The following DTL variants were observed in gnomAD, a reference collection of about 807,000 sequenced individuals.
The protein encoded by DTL is denticleless E3 ubiquitin protein ligase adapter.
A neutral mutation model predicts 87.0 loss-of-function variants in DTL; 46 were observed. The ratio of observed to expected loss-of-function variants is 0.53; its 90% confidence interval spans 0.42 to 0.68. DTL has a LOEUF of 0.68. Ranked by LOEUF, DTL falls within the 30% of genes least tolerant of loss-of-function variation. The pLI is 0.00. For synonymous variants in DTL, 308 were observed against 311.2 expected, an observed-to-expected ratio of 0.99 and a Z score of 0.11; for missense variants, 737 against 869.4, an observed-to-expected ratio of 0.85 and a Z score of 1.91.
intron 13 of DTL, among the ~76,000 whole-genome samples, chr1:212,093,620 G>A (rs1223361767): frequency 3.3e-5 from 5 of 152,288 alleles, no homozygotes; most frequent in Admixed American, 2.0e-4. Flanking sequence ...CTGGCCTGCC[G>A]GCCTGCCTAT....
intron 6 of DTL, among the ~76,000 whole-genome samples, chr1:212,063,767 T>TA (rs1314611527): frequency 1.3e-5 from 2 of 152,242 alleles, no homozygotes; most frequent in South Asian, 2.1e-4. Flanking sequence ...GTATATGTGA[T>TA]ATCTTGATAC....
intron 13 of DTL, among the ~76,000 whole-genome samples, chr1:212,083,434 A>T (rs1655041825): frequency 6.6e-6 from 1 of 152,170 alleles, no homozygotes; most frequent in African/African-American, 2.4e-5. Context: ...GGGCCAAGGG[A>T]TAGTGTAAAT....
chr1:212,047,386 C>G lies in DTL; in HGVS notation c.429C>G (p.Leu143=). The G allele has an allele frequency of 6.2e-7, 1 of 1,614,188 alleles. No individual in the cohort carries two copies. Among genetic ancestry groups the G allele is most frequent in the South Asian group, 1.1e-5 (1 of 91,078 alleles). ...IGTCKGHQCS[L]KSVAFSKFEK... ...CATGCAAAGGTCATCAATGCAGCCT[C>G]AAGTCAGTTGCCTTTTCTAAGTTTG... Residue 143 remains leucine (L), a synonymous_variant, in exon 5 of 15, where the codon CTC becomes CTG. Coordinates refer to ENST00000366991, the MANE Select transcript of DTL (RefSeq NM_016448.4).
intron 10 of DTL, among the ~76,000 whole-genome samples, chr1:212,069,548 A>ATT (rs397863295): frequency 8.7e-4 from 126 of 144,592 alleles, no homozygotes; most frequent in African/African-American, 2.8e-3. Flanking sequence ...ATAGATATAA[A>ATT]TTTTTTTTTT....
chr1:212,067,886 G>A (rs1005993727), intron 8 of DTL, among the ~76,000 whole-genome samples: 2 of 152,146 alleles, frequency 1.3e-5, no homozygotes, highest in South Asian at 4.1e-4. Context: ...AAAAATATAT[G>A]CAGAATATTA....
At chr1:212,065,118 TC>T (rs1407877297) in intron 7 of DTL, 89 bp downstream of exon 7, 5 of 922,822 alleles carry the variant, frequency 5.4e-6, no homozygotes, top group African/African-American at 1.7e-5. Flanking sequence ...ATGAGAATCT[TC>T]ATGATTCTCA....
rs200892289 is a variant in DTL at position 212,068,260 on chromosome 1, T to C, written c.750T>C (p.Thr250=). 7.1e-5 allele frequency: 115 copies of C among 1,610,600 alleles called. No homozygotes were observed. Among genetic ancestry groups the C allele is most frequent in the Non-Finnish European group, 8.8e-5 (104 of 1,179,052 alleles). The part of the protein sequence containing the change: ...IKVWDLRKNY[T]AYRQEPIASK... ...TATGGGATTTACGTAAGAATTATAC[T>C]GCTTATCGACAAGAACCCATAGCAT... Residue 250 remains threonine (T), a synonymous_variant, in exon 9 of 15, where the codon ACT becomes ACC. Coordinates refer to ENST00000366991, the MANE Select transcript of DTL (RefSeq NM_016448.4).
Position 212,043,094 on chromosome 1 carries a change from C to T in DTL, c.154C>T (p.Pro52Ser). Residue 52 changes from proline to serine, a missense_variant, in exon 2 of 15, where the codon CCT (proline) becomes TCT (serine). Physicochemically the swap from Pro to Ser is moderately conservative, Grantham distance 74. Coordinates refer to ENST00000366991, the MANE Select transcript of DTL (RefSeq NM_016448.4). ...TGGAGAAACAGGAGTCCCAGTTCCT[C>T]CTTTTGGATGTACCTTCTCTTCTGG... is the stretch of plus-strand genomic sequence containing the variant. ...SYGETGVPVPPFGCTFSSAPN... is the reference protein window; with the variant it reads ...SYGETGVPVPSFGCTFSSAPN... 6.2e-7 allele frequency: 1 copy of T among 1,612,976 alleles called. No individual in the cohort carries two copies.
intron 9 of DTL, 48 bp downstream of exon 9, chr1:212,068,375 A>G: frequency 9.6e-7 from 1 of 1,046,866 alleles, no homozygotes; most frequent in Non-Finnish European, 1.4e-6. Context: ...TTTTGTTTAA[A>G]AAAAAAAAAA....
intron 10 of DTL, among the ~76,000 whole-genome samples, chr1:212,071,159 T>C (rs975177355): frequency 1.3e-5 from 2 of 152,220 alleles, no homozygotes; most frequent in Admixed American, 6.5e-5. Context: ...AATACAAAGT[T>C]CTTTTCCAGC....
At chr1:212,098,850 G>A (rs1331722178) in intron 13 of DTL, among the ~76,000 whole-genome samples, 1 of 152,080 alleles carries the variant, frequency 6.6e-6, no homozygotes, top group African/African-American at 2.4e-5. Flanking sequence ...AAGCAGGGCT[G>A]TTAGGCCTTG....
intron 5 of DTL, among the ~76,000 whole-genome samples, chr1:212,055,492 G>T (rs1029003395): frequency 6.6e-6 from 1 of 152,156 alleles, no homozygotes; most frequent in African/African-American, 2.4e-5. Flanking sequence ...AGGCTGAATT[G>T]GGAGCCACAC....
At position 212,103,869 on chromosome 1, in the gene DTL, A is replaced by G. The variant is rs1377314547; in HGVS notation, c.*929A>G. On this transcript the variant is annotated 3_prime_UTR_variant, in exon 15 of 15. Transcript: ENST00000366991. ...AGAAAAAAGTGATGATTTCTTATTG[A>G]TATTTTTGTAACAGAATATAGCTCT... The G allele has an allele frequency of 6.6e-6, 1 of 152,230 alleles. No homozygotes were observed. The highest frequency in any genetic ancestry group is 6.5e-5 in the Admixed American group (1 of 15,282). 9.4% of individuals were successfully genotyped at this position (152,230 alleles called of 1,614,324 possible).
chr1:212,065,577 C>T (rs1654468443), intron 7 of DTL, among the ~76,000 whole-genome samples: 1 of 152,030 alleles, frequency 6.6e-6, no homozygotes, highest in South Asian at 2.1e-4. Flanking sequence ...CACAAACACA[C>T]CCCTATAGTA....
At chr1:212,038,355 A>T (rs537654822) in intron 1 of DTL, among the ~76,000 whole-genome samples, 40 of 152,336 alleles carry the variant, frequency 2.6e-4, no homozygotes, top group African/African-American at 8.9e-4. Context: ...TAGCACCTAG[A>T]CGGTCAATCC....
rs1380932231 is a variant in DTL, at chr1:212,035,952, G to A, written c.52+10G>A. On this transcript the variant is annotated intron_variant, in intron 1 of 14. Coordinates refer to ENST00000366991, the MANE Select transcript of DTL (RefSeq NM_016448.4). The stretch of plus-strand genomic sequence containing the variant: ...GGCGTCCTGAGAAATGGTGAGTAAC[G>A]GTCCCAACCGCTGCTCGGAGCTGGC... 1.2e-6 allele frequency: 2 copies of A among 1,613,832 alleles called. No homozygotes were observed. Among genetic ancestry groups the A allele is most frequent in the Admixed American group, 3.3e-5 (2 of 60,022 alleles).
intron 3 of DTL, among the ~76,000 whole-genome samples, chr1:212,045,924 T>TTTGTTGTTGTTG (rs10636026): frequency 8.0e-5 from 12 of 150,756 alleles, no homozygotes; most frequent in African/African-American, 2.2e-4. Flanking sequence ...TGTTTTTGGT[T>TTTGTTGTTGTTG]TTGTTGTTGT....
intron 1 of DTL, among the ~76,000 whole-genome samples, chr1:212,038,984 T>C (rs1667563300): frequency 6.6e-6 from 1 of 152,230 alleles, no homozygotes; most frequent in Admixed American, 6.5e-5. Flanking sequence ...GGACATTCCA[T>C]ATAGCTGCTT....
rs375312776 is a variant in DTL at position 212,100,486 on chromosome 1, T to A, written c.1496T>A (p.Met499Lys). Residue 499 changes from methionine to lysine, a missense_variant, in exon 14 of 15, where the codon ATG (methionine) becomes AAG (lysine). Physicochemically the swap from Met to Lys is moderately conservative, Grantham distance 95. Transcript: ENST00000366991. ...VSPKPPSSFK[M>K]SIRNWVTRTP... is the part of the protein sequence containing the mutation. ...CCCAAGCCACCTTCATCTTTCAAGA[T>A]GTCGATTAGAAACTGGGTGACCCGA... is the stretch of plus-strand genomic sequence containing the variant. 6.2e-7 allele frequency: 1 copy of A among 1,613,894 alleles called. No individual in the cohort carries two copies. Among genetic ancestry groups the A allele is most frequent in the Non-Finnish European group, 8.5e-7 (1 of 1,179,998 alleles).
Sources: allele counts gnomAD v4.1 joint callset (sites outside exome capture counted in the v4.1 genomes callset), GRCh38; gene constraint gnomAD v4.1.1; transcripts MANE v1.5; gene names NCBI Gene and HGNC (gene_info 2026-07-23, HGNC 2026-07-21).